OR51B5: variants seen among roughly 807,000 people sequenced by gnomAD.
The protein encoded by OR51B5 is olfactory receptor 51B5.
For synonymous variants in OR51B5, 186 were observed against 144.8 expected (o/e 1.28, Z -2.04); for missense variants, 456 against 374.6 (o/e 1.22, Z -1.79).
intron 1 of OR51B5, among the ~76,000 whole-genome samples, chr11:5,473,141 T>C (rs1851253441): frequency 6.6e-6 from 1 of 152,256 alleles, no homozygotes; most frequent in South Asian, 2.1e-4. Context: ...CATCTTGGCA[T>C]ATTTGAAACA....
chr11:5,456,839 T>A (rs1042836206), intron 1 of OR51B5, among the ~76,000 whole-genome samples: 1 of 152,160 alleles, frequency 6.6e-6, no homozygotes, highest in Non-Finnish European at 1.5e-5. Flanking sequence ...TTTAGAACCA[T>A]CTTCTTGATG....
chr11:5,397,336 A>G (rs1849891657), intron 1 of OR51B5, among the ~76,000 whole-genome samples: 1 of 152,240 alleles, frequency 6.6e-6, no homozygotes, highest in African/African-American at 2.4e-5. Flanking sequence ...AGAATCTACA[A>G]TGAACTCAAA....
intron 1 of OR51B5, chr11:5,453,501 A>G: frequency 6.4e-7 from 1 of 1,552,102 alleles, no homozygotes; most frequent in Non-Finnish European, 8.7e-7. Flanking sequence ...GGGGTTGTTC[A>G]ATGTCACTCA....
chr11:5,455,716 G>C (rs767881778), intron 1 of OR51B5: 3 of 152,092 alleles, frequency 2.0e-5, no homozygotes, highest in Non-Finnish European at 4.4e-5. Context: ...GTTATCTAGA[G>C]GTTTTTTCTC....
chr11:5,463,664 C>T (rs1590011714), intron 1 of OR51B5, among the ~76,000 whole-genome samples: 1 of 152,122 alleles, frequency 6.6e-6, no homozygotes, highest in Non-Finnish European at 1.5e-5. Context: ...AGGAATATAA[C>T]AGCTCATTCA....
At chr11:5,498,643 C>T (rs1315321812) in intron 1 of OR51B5, among the ~76,000 whole-genome samples, 1 of 152,190 alleles carries the variant, frequency 6.6e-6, no homozygotes, top group African/African-American at 2.4e-5. Context: ...TGCCAAAACC[C>T]TCATTCCCTT....
chr11:5,441,128 A>G (rs775415535), intron 1 of OR51B5: 1 of 1,614,032 alleles, frequency 6.2e-7, no homozygotes, highest in South Asian at 1.1e-5. Flanking sequence ...GTAATGGATA[A>G]CAAATAGCCA....
intron 1 of OR51B5, among the ~76,000 whole-genome samples, chr11:5,404,151 CG>C (rs1400858597): frequency 8.5e-5 from 1 of 11,824 alleles, no homozygotes; most frequent in Non-Finnish European, 1.7e-4. Flanking sequence ...GGGTCGGGGG[CG>C]GGGGGAGGGG....
intron 1 of OR51B5, among the ~76,000 whole-genome samples, chr11:5,358,420 A>T (rs1184554017): frequency 6.6e-6 from 1 of 152,226 alleles, no homozygotes; most frequent in Admixed American, 6.5e-5. Context: ...CTTGACACAT[A>T]CACCCTCCCA....
At chr11:5,411,006 G>A (rs956368836) in intron 1 of OR51B5, among the ~76,000 whole-genome samples, 1 of 152,104 alleles carries the variant, frequency 6.6e-6, no homozygotes, top group African/African-American at 2.4e-5. Context: ...GTAAGCTAAG[G>A]TTAATTTATT....
intron 1 of OR51B5, among the ~76,000 whole-genome samples, chr11:5,364,968 G>T (rs11354435): frequency 0.27 from 40,585 of 151,854 alleles, 5,632 homozygotes; most frequent in African/African-American, 0.32. Flanking sequence ...GGAAAAAAAT[G>T]AAGTAACAGA....
At chr11:5,431,320 T>C (rs1850532321) in intron 1 of OR51B5, 1 of 304,814 alleles carries the variant, frequency 3.3e-6, no homozygotes, top group South Asian at 3.1e-5. Flanking sequence ...GCCATCAAAG[T>C]CAACTCTGTG....
intron 1 of OR51B5, among the ~76,000 whole-genome samples, chr11:5,440,164 G>T (rs531032209): frequency 3.3e-4 from 50 of 152,058 alleles, no homozygotes; most frequent in Non-Finnish European, 6.6e-4. Context: ...CATATATTTT[G>T]TCTCTCTTTA....
intron 1 of OR51B5, among the ~76,000 whole-genome samples, chr11:5,404,968 A>C (rs12274088): frequency 0.16 from 24,522 of 152,000 alleles, 2,451 homozygotes; most frequent in African/African-American, 0.29. Context: ...AACTGTAACA[A>C]TCACCTTGAG....
chr11:5,375,510 C>T (rs1157671277), intron 1 of OR51B5, among the ~76,000 whole-genome samples: 1 of 152,098 alleles, frequency 6.6e-6, no homozygotes, highest in African/African-American at 2.4e-5. Flanking sequence ...GGACTAAGTG[C>T]TCCAATTGAA....
chr11:5,358,519 A>C (rs1278087523), intron 1 of OR51B5, among the ~76,000 whole-genome samples: 1 of 152,190 alleles, frequency 6.6e-6, no homozygotes, highest in African/African-American at 2.4e-5. Context: ...CCAACCAAAA[A>C]CAGTCCAGGA....
chr11:5,417,493 C>A (rs1203809684), intron 1 of OR51B5, among the ~76,000 whole-genome samples: 1 of 150,902 alleles, frequency 6.6e-6, no homozygotes, highest in African/African-American at 2.4e-5. Flanking sequence ...AACAGGCAAC[C>A]CACAAAATGG....
intron 1 of OR51B5, among the ~76,000 whole-genome samples, chr11:5,497,062 A>AGG (rs1564833729): frequency 6.6e-6 from 1 of 151,616 alleles, no homozygotes; most frequent in Non-Finnish European, 1.5e-5. Flanking sequence ...AAAAAAAAAA[A>AGG]AAAGAGAGAG....
intron 1 of OR51B5, among the ~76,000 whole-genome samples, chr11:5,365,339 T>C (rs1416234582): frequency 6.6e-6 from 1 of 152,200 alleles, no homozygotes; most frequent in Non-Finnish European, 1.5e-5. Flanking sequence ...CATACACTGA[T>C]GCCAAAGGCA....
Sources: gnomAD v4.1 joint callset for allele counts (sites outside exome capture counted in the v4.1 genomes callset) on GRCh38, gnomAD v4.1.1 for gene constraint, MANE v1.5 for transcripts, NCBI Gene and HGNC (gene_info 2026-07-23, HGNC 2026-07-21) for gene names.